The following PRXL2A variants were observed in gnomAD, a reference collection of about 807,000 sequenced individuals.
PRXL2A encodes peroxiredoxin like 2A, also known as peroxiredoxin-like 2A.
Under a neutral mutation model 25.6 loss-of-function variants are expected in PRXL2A, and 26 were observed. That is an observed-to-expected ratio of 1.02 (90% CI 0.74 to 1.41). The LOEUF (loss-of-function observed/expected upper bound fraction) is 1.41, where lower values mean the gene tolerates loss of function less well. Ranked by LOEUF, PRXL2A falls within the 40% of genes most tolerant of loss-of-function variation. PRXL2A has a pLI of 0.00. For missense variants in PRXL2A, 246 were observed against 273.9 expected, an observed-to-expected ratio of 0.90 and a Z score of 0.72; for synonymous variants, 98 against 102.9, an observed-to-expected ratio of 0.95 and a Z score of 0.29.
chr10:80,409,271 G>A (rs567659593), intron 1 of PRXL2A, among the ~76,000 whole-genome samples: 1 of 152,304 alleles, frequency 6.6e-6, no homozygotes, highest in East Asian at 1.9e-4. Context: ...ATGAAAAGAT[G>A]AACAATCTGC....
chr10:80,419,282 C>A (rs1331477671), intron 1 of PRXL2A, among the ~76,000 whole-genome samples: 1 of 151,118 alleles, frequency 6.6e-6, no homozygotes, highest in Non-Finnish European at 1.5e-5. Context: ...CCGTGCCCTG[C>A]CAGGACTTCC....
Position 80,420,528 on chromosome 10 carries a change from G to A in PRXL2A, c.61G>A (p.Ala21Thr). 1 of 1,613,834 alleles carries A rather than the reference G, an allele frequency of 6.2e-7. No individual in the cohort carries two copies. Among genetic ancestry groups the A allele is most frequent in the Non-Finnish European group, 8.5e-7 (1 of 1,179,878 alleles). ...TMGMWSIGAG[A>T]LGAAALALLL... ...GGGGATGTGGTCCATTGGTGCAGGA[G>A]CCCTGGGGGCTGCTGCCTTGGCATT... The change falls in exon 2 of 6, where the codon GCC (alanine) becomes ACC (threonine). Residue 21 changes from alanine (A) to threonine (T), a missense_variant. Transcript: ENST00000606162.
chr10:80,422,613 C>G, intron 3 of PRXL2A, 105 bp downstream of exon 3: 1 of 773,946 alleles, frequency 1.3e-6, no homozygotes. Flanking sequence ...AGCCTTTTAC[C>G]CACATGTTCT....
intron 5 of PRXL2A, among the ~76,000 whole-genome samples, chr10:80,431,713 C>T (rs1845268294): frequency 6.6e-6 from 1 of 152,144 alleles, no homozygotes; most frequent in Admixed American, 6.5e-5. Context: ...ACCCTCCGTG[C>T]CTCTGTGAGG....
chr10:80,424,643 A>C (rs1844979237), intron 3 of PRXL2A, among the ~76,000 whole-genome samples: 3 of 152,002 alleles, frequency 2.0e-5, no homozygotes, highest in Admixed American at 1.3e-4. Flanking sequence ...AGGCAGGTGG[A>C]TCACTTGAGG....
At position 80,422,445 on chromosome 10, in the gene PRXL2A, A is replaced by G. The variant is rs1171440899; in HGVS notation, c.207A>G (p.Leu69=). The G allele has an allele frequency of 1.9e-6, 3 of 1,613,966 alleles. No homozygotes were observed. The highest frequency in any genetic ancestry group is 1.7e-5 in the Admixed American group (1 of 60,000). Residue 69 remains leucine (L), a synonymous_variant, in exon 3 of 6, where the codon CTA becomes CTG. Coordinates refer to ENST00000606162, the MANE Select transcript of PRXL2A (RefSeq NM_032333.5). ...CAAGGACTTTCAAAGCAAAGGAGCTATGGGAAAAAAATGGAGCTGTGATTA... is the reference window on the plus strand; with the variant it reads ...CAAGGACTTTCAAAGCAAAGGAGCTGTGGGAAAAAAATGGAGCTGTGATTA... ...KEPRTFKAKE[L]WEKNGAVIMA...
chr10:80,418,252 A>T (rs1410937190), intron 1 of PRXL2A, among the ~76,000 whole-genome samples: 1 of 152,116 alleles, frequency 6.6e-6, no homozygotes. Flanking sequence ...TCCCACTTGC[A>T]AATGAGAACA....
At chr10:80,428,277 T>C (rs573913645) in intron 5 of PRXL2A, among the ~76,000 whole-genome samples, 2 of 152,138 alleles carry the variant, frequency 1.3e-5, no homozygotes, top group African/African-American at 2.4e-5. Flanking sequence ...TGTGTCAGAG[T>C]CTAGGCAGCC....
At chr10:80,428,994 T>C (rs1358187891) in intron 5 of PRXL2A, among the ~76,000 whole-genome samples, 1 of 152,006 alleles carries the variant, frequency 6.6e-6, no homozygotes, top group African/African-American at 2.4e-5. Context: ...CTCCACCTCC[T>C]GGGTTCACGC....
chr10:80,435,500 C>T lies in PRXL2A; in HGVS notation c.*3401C>T, dbSNP rs1845380075. The T allele has an allele frequency of 6.6e-6, 1 of 151,160 alleles. No homozygotes were observed. Among genetic ancestry groups the T allele is most frequent in the East Asian group, 1.9e-4 (1 of 5,152 alleles). 9.4% of individuals were successfully genotyped at this position (151,160 alleles called of 1,614,324 possible). A position where few individuals can be genotyped will look rare whatever the true frequency, so the allele number is the denominator to read the frequency against. On this transcript the variant is annotated 3_prime_UTR_variant, in exon 6 of 6. Transcript: ENST00000606162. ...TCTGCTTTTTTTTTTTCTTTATGTA[C>T]AGGGTCTTGCTCTGTCACCTAGGCT...
chr10:80,422,120 C>T (rs1378767862), intron 2 of PRXL2A, among the ~76,000 whole-genome samples: 1 of 152,104 alleles, frequency 6.6e-6, no homozygotes, highest in Non-Finnish European at 1.5e-5. Context: ...ACAAAATGGC[C>T]ATTTTTCCAG....
At chr10:80,417,642 CT>C (rs1844707874) in intron 1 of PRXL2A, among the ~76,000 whole-genome samples, 1 of 152,120 alleles carries the variant, frequency 6.6e-6, no homozygotes, top group South Asian at 2.1e-4. Flanking sequence ...TTTTCCCCTT[CT>C]TTTTCCGCTT....
intron 1 of PRXL2A, among the ~76,000 whole-genome samples, chr10:80,414,818 G>A (rs1262244094): frequency 6.6e-6 from 1 of 152,222 alleles, no homozygotes; most frequent in Non-Finnish European, 1.5e-5. Context: ...CAGCTTCTAA[G>A]ACGACTGGCT....
In PRXL2A at chr10:80,422,439, G is replaced by A. The variant is rs752573644; in HGVS notation, c.201G>A (p.Lys67=). ...TAGAACCAAGGACTTTCAAAGCAAAGGAGCTATGGGAAAAAAATGGAGCTG... is the reference window on the plus strand; with the variant it reads ...TAGAACCAAGGACTTTCAAAGCAAAAGAGCTATGGGAAAAAAATGGAGCTG... ...LEKEPRTFKA[K]ELWEKNGAVI... Residue 67 remains lysine (K), a synonymous_variant, in exon 3 of 6, where the codon AAG becomes AAA. Transcript: ENST00000606162. The A allele has an allele frequency of 1.2e-6, 2 of 1,614,012 alleles. No homozygotes were observed. The highest frequency in any genetic ancestry group is 1.1e-5 in the South Asian group (1 of 91,074).
chr10:80,428,817 G>A (rs1311262362), intron 5 of PRXL2A, among the ~76,000 whole-genome samples: 2 of 152,180 alleles, frequency 1.3e-5, no homozygotes, highest in East Asian at 1.9e-4. Context: ...TATCTGCATT[G>A]TTGGATCTCA....
chr10:80,419,899 TG>T (rs1844800938), intron 1 of PRXL2A: 4 of 861,152 alleles, frequency 4.6e-6, no homozygotes, highest in Non-Finnish European at 5.6e-6. Flanking sequence ...GGGCACTGGC[TG>T]GGGGCTTGAT....
chr10:80,415,694 A>G lies in PRXL2A; in HGVS notation c.-2-4772A>G, dbSNP rs558678251. On this transcript the variant is annotated intron_variant, in intron 1 of 5. Coordinates refer to ENST00000606162, the MANE Select transcript of PRXL2A (RefSeq NM_032333.5). ...TGTGTATCATTTTATGTCCTCCCAA[A>G]TCGCCATTTATTGAACAGGTCAGTA... is the stretch of plus-strand genomic sequence containing the variant. 2.0e-5 allele frequency among the ~76,000 whole-genome samples: 3 copies of G among 152,298 alleles called. No homozygotes were observed. The South Asian group carries it at 6.2e-4, about 32-fold the overall frequency.
chr10:80,409,089 G>A, intron 1 of PRXL2A: 1 of 985,284 alleles, frequency 1.0e-6, no homozygotes, highest in Non-Finnish European at 1.2e-6. Context: ...GGCAGTCCTC[G>A]TCCTCGTCTC....
intron 1 of PRXL2A, among the ~76,000 whole-genome samples, chr10:80,411,911 A>G (rs985314980): frequency 6.6e-6 from 1 of 152,056 alleles, no homozygotes. Context: ...TTAGAATATG[A>G]TGCTGTCTCT....
Sources: gnomAD v4.1 joint callset for allele counts (sites outside exome capture counted in the v4.1 genomes callset) on GRCh38, gnomAD v4.1.1 for gene constraint, MANE v1.5 for transcripts, NCBI Gene and HGNC (gene_info 2026-07-23, HGNC 2026-07-21) for gene names.